The following CELF4 variants were observed in gnomAD, a reference collection of about 807,000 sequenced individuals.
CELF4 encodes the protein CUG-BP- and ETR-3-like factor 4.
A neutral mutation model predicts 59.9 loss-of-function variants in CELF4; 18 were observed. The observed-to-expected ratio is 0.30, with a 90% confidence interval of 0.21 to 0.45. The LOEUF is 0.45. Among genes scored for constraint, CELF4 ranks in the 20% least tolerant of loss-of-function variants. CELF4 has a pLI of 1.00. For synonymous variants in CELF4, 261 were observed against 267.1 expected, an observed-to-expected ratio of 0.98 and a Z score of 0.22; for missense variants, 456 against 689.0, an observed-to-expected ratio of 0.66 and a Z score of 3.79.
At chr18:37,374,800 C>T (rs111985720) in intron 2 of CELF4, among the ~76,000 whole-genome samples, 14 of 152,296 alleles carry the variant, frequency 9.2e-5, no homozygotes, top group South Asian at 2.1e-4. Context: ...TGCTTCTTAC[C>T]GGCTTCCTAC....
rs146402085 is a variant in CELF4 at position 37,279,331 on chromosome 18, T to C, written c.449-4088A>G. ...TGAGTGAGAGGTTGCTGAGACCCCC[T>C]GGGGGCCCAGAGATGTGGTGAGCAA... On this transcript the variant is annotated intron_variant, in intron 3 of 12. Coordinates refer to ENST00000420428, the MANE Select transcript of CELF4 (RefSeq NM_020180.4). Among the ~76,000 whole-genome samples the C allele has an allele frequency of 5.9e-3, 893 of 151,808 alleles. 9 individuals carry two copies. The highest frequency in any genetic ancestry group is 0.02 in the African/African-American group (842 of 41,466).
rs778539577 is a variant in CELF4, at chr18:37,520,161, G to A, written c.287-34554C>T. On this transcript the variant is annotated intron_variant, in intron 1 of 12. Transcript: ENST00000420428. ...CAAGCTCGGGGCCCCTAAATTGGCTGAGCCTGACTCCTGAAGAATAGGCTG... is the reference window on the plus strand; with the variant it reads ...CAAGCTCGGGGCCCCTAAATTGGCTAAGCCTGACTCCTGAAGAATAGGCTG... 9.9e-5 allele frequency among the ~76,000 whole-genome samples: 15 copies of A among 152,242 alleles called. No individual in the cohort carries two copies. The South Asian group carries it at 1.5e-3, about 15-fold the overall frequency.
At chr18:37,289,155 T>G (rs2095105575) in intron 3 of CELF4, among the ~76,000 whole-genome samples, 1 of 147,646 alleles carries the variant, frequency 6.8e-6, no homozygotes, top group African/African-American at 2.5e-5. Context: ...CAGACCATGA[T>G]GGGGGATCGT....
chr18:37,277,011 C>T (rs1163413977), intron 3 of CELF4, among the ~76,000 whole-genome samples: 2 of 152,140 alleles, frequency 1.3e-5, no homozygotes, highest in East Asian at 3.9e-4. Context: ...CCACCTTGCC[C>T]AAATTGTCAG....
intron 2 of CELF4, among the ~76,000 whole-genome samples, chr18:37,484,603 G>T (rs963570729): frequency 5.3e-5 from 8 of 152,178 alleles, no homozygotes; most frequent in African/African-American, 1.4e-4. Flanking sequence ...AAAGATCTTC[G>T]ATGCAAAGGA....
intron 2 of CELF4, among the ~76,000 whole-genome samples, chr18:37,353,689 C>T (rs2098506939): frequency 6.8e-6 from 1 of 147,466 alleles, no homozygotes; most frequent in African/African-American, 2.5e-5. Context: ...GATGAGTTTA[C>T]CTTTAACCCT....
At chr18:37,529,036 C>T (rs2099966805) in intron 1 of CELF4, 1 of 151,996 alleles carries the variant, frequency 6.6e-6, no homozygotes, top group African/African-American at 2.4e-5. Flanking sequence ...GATGGAGGCT[C>T]TAGGGTAGGA....
chr18:37,465,084 C>A (rs1254697808), intron 2 of CELF4, among the ~76,000 whole-genome samples: 2 of 152,172 alleles, frequency 1.3e-5, no homozygotes, highest in Non-Finnish European at 2.9e-5. Context: ...TCCTGTCAAC[C>A]TTCCTCCAGG....
chr18:37,450,981 G>C (rs28501509), intron 2 of CELF4, among the ~76,000 whole-genome samples: 1 of 152,160 alleles, frequency 6.6e-6, no homozygotes, highest in African/African-American at 2.4e-5. Context: ...CCCTGAGTGT[G>C]GCTGTGGGCG....
chr18:37,356,196 C>T (rs1359461534), intron 2 of CELF4, among the ~76,000 whole-genome samples: 1 of 152,202 alleles, frequency 6.6e-6, no homozygotes, highest in African/African-American at 2.4e-5. Flanking sequence ...GCCATCAAAG[C>T]CACTTAGTTG....
chr18:37,545,521 C>G (rs2099980862), intron 1 of CELF4, among the ~76,000 whole-genome samples: 1 of 152,162 alleles, frequency 6.6e-6, no homozygotes, highest in Admixed American at 6.5e-5. Context: ...TGTTTCTGGA[C>G]AGAAGGACAG....
At chr18:37,316,428 C>G (rs1367042157) in intron 3 of CELF4, among the ~76,000 whole-genome samples, 1 of 152,118 alleles carries the variant, frequency 6.6e-6, no homozygotes, top group Non-Finnish European at 1.5e-5. Flanking sequence ...CCTTCCTTCC[C>G]TACTTAATTG....
intron 2 of CELF4, among the ~76,000 whole-genome samples, chr18:37,468,385 C>T (rs1051044243): frequency 1.5e-4 from 23 of 152,174 alleles, no homozygotes; most frequent in Admixed American, 1.5e-3. Flanking sequence ...GTTGGGGCAG[C>T]TACTAGTGGG....
At chr18:37,447,487 A>T (rs1348306046) in intron 2 of CELF4, among the ~76,000 whole-genome samples, 2 of 152,044 alleles carry the variant, frequency 1.3e-5, no homozygotes, top group Non-Finnish European at 2.9e-5. Context: ...TCCAATCCCC[A>T]TTGACCCGAA....
intron 2 of CELF4, among the ~76,000 whole-genome samples, chr18:37,374,989 C>A (rs373285638): frequency 1.3e-5 from 2 of 152,152 alleles, no homozygotes; most frequent in Admixed American, 6.5e-5. Flanking sequence ...CTGTGTCGTG[C>A]GGTCTGCCTG....
At chr18:37,442,276 T>A (rs1364152652) in intron 2 of CELF4, among the ~76,000 whole-genome samples, 1 of 152,196 alleles carries the variant, frequency 6.6e-6, no homozygotes, top group South Asian at 2.1e-4. Flanking sequence ...TTCATCCACC[T>A]GCTTGCCAAG....
chr18:37,391,810 G>A lies in CELF4; in HGVS notation c.370-69929C>T, dbSNP rs139569307. Among the ~76,000 whole-genome samples the A allele has an allele frequency of 1.2e-3, 190 of 152,332 alleles. 1 individual carries two copies. Among genetic ancestry groups the A allele is most frequent in the Admixed American group, 2.4e-3 (37 of 15,308 alleles). ...CTGGGGGGAGATTCAGGACACAAGAGAGGCACAGCTAGGATAAGGCTCCGA... is the reference window on the plus strand; with the variant it reads ...CTGGGGGGAGATTCAGGACACAAGAAAGGCACAGCTAGGATAAGGCTCCGA... On this transcript the variant is annotated intron_variant, in intron 2 of 12. Coordinates refer to ENST00000420428, the MANE Select transcript of CELF4 (RefSeq NM_020180.4).
At chr18:37,392,686 A>G (rs777997141) in intron 2 of CELF4, among the ~76,000 whole-genome samples, 2 of 152,214 alleles carry the variant, frequency 1.3e-5, no homozygotes, top group African/African-American at 2.4e-5. Context: ...CCAAATGCTT[A>G]AAAAAGCATT....
chr18:37,360,988 T>C (rs2098694473), intron 2 of CELF4, among the ~76,000 whole-genome samples: 1 of 152,222 alleles, frequency 6.6e-6, no homozygotes, highest in Admixed American at 6.5e-5. Context: ...CTAGCACAGG[T>C]ATGGCCCACA....
Sources: allele counts gnomAD v4.1 joint callset (sites outside exome capture counted in the v4.1 genomes callset), GRCh38; gene constraint gnomAD v4.1.1; transcripts MANE v1.5; gene names NCBI Gene and HGNC (gene_info 2026-07-23, HGNC 2026-07-21).